Variants in GNG7 observed in about 807,000 individuals in gnomAD.
The protein encoded by GNG7 is G protein subunit gamma 7.
In GNG7, 1 loss-of-function variant was observed where a neutral mutation model predicts 4.0. The ratio of observed to expected loss-of-function variants is 0.25; its 90% confidence interval spans 0.09 to 1.18. The LOEUF (loss-of-function observed/expected upper bound fraction) is 1.18. Ranked by LOEUF, GNG7 falls within the 50% of genes most tolerant of loss-of-function variation. The probability of loss-of-function intolerance (pLI) is 0.50; values close to 1 mark genes in which losing one functional copy is unlikely to be tolerated. For missense variants in GNG7, 86 were observed against 91.9 expected (o/e 0.94, Z 0.26); for synonymous variants, 34 against 36.9 (o/e 0.92, Z 0.29).
intron 3 of GNG7, among the ~76,000 whole-genome samples, chr19:2,543,884 G>C (rs1599382061): frequency 6.6e-6 from 1 of 152,166 alleles, no homozygotes; most frequent in Non-Finnish European, 1.5e-5. Flanking sequence ...AGCAACGTGA[G>C]AACAGAAGCA....
intron 2 of GNG7, among the ~76,000 whole-genome samples, chr19:2,624,528 C>CA (rs921061279): frequency 0.21 from 12,962 of 61,250 alleles, 998 homozygotes; most frequent in African/African-American, 0.3. Context: ...GACTCCGTCT[C>CA]AAAAAAAAAA....
At chr19:2,595,091 G>A (rs1163005893) in intron 2 of GNG7, 1 of 151,420 alleles carries the variant, frequency 6.6e-6, no homozygotes, top group Non-Finnish European at 1.5e-5. Context: ...CTGCACTCCA[G>A]CCTGGGCAAC....
intron 2 of GNG7, among the ~76,000 whole-genome samples, chr19:2,598,545 T>G (rs1981099103): frequency 6.6e-6 from 1 of 151,658 alleles, no homozygotes; most frequent in African/African-American, 2.4e-5. Flanking sequence ...TAGTCCCAGC[T>G]ACTCGGGAGG....
intron 1 of GNG7, among the ~76,000 whole-genome samples, chr19:2,651,074 C>T (rs534681892): frequency 1.9e-4 from 29 of 152,074 alleles, no homozygotes; most frequent in Non-Finnish European, 3.8e-4. Flanking sequence ...TAGCAGGTGC[C>T]GAATGTCAGC....
At chr19:2,636,729 A>C (rs1982318030) in intron 2 of GNG7, among the ~76,000 whole-genome samples, 1 of 152,082 alleles carries the variant, frequency 6.6e-6, no homozygotes, top group South Asian at 2.1e-4. Context: ...GCAGGGGCCA[A>C]CCATCTGGGT....
rs1474450595 is a variant in GNG7, at chr19:2,601,248, C to T, written c.-78+44976G>A. 6.6e-5 allele frequency among the ~76,000 whole-genome samples: 10 copies of T among 152,118 alleles called. No individual in the cohort carries two copies. The East Asian group carries it at 9.6e-4, about 15-fold the overall frequency. On this transcript the variant is annotated intron_variant, in intron 2 of 4. Coordinates refer to ENST00000382159, the MANE Select transcript of GNG7 (RefSeq NM_052847.3). Reference sequence around the variant, plus strand: ...CCATTCTAGTTCCATCCAGATGGCCCGGGGTACAGCTGGGATGCCTGTTGT... The same window carrying T: ...CCATTCTAGTTCCATCCAGATGGCCTGGGGTACAGCTGGGATGCCTGTTGT...
chr19:2,606,344 C>T (rs1981383682), intron 2 of GNG7, among the ~76,000 whole-genome samples: 3 of 151,966 alleles, frequency 2.0e-5, no homozygotes, highest in Admixed American at 2.0e-4. Flanking sequence ...TGCACTCCAA[C>T]CTGCGTGACA....
chr19:2,669,295 G>A (rs555966900), intron 1 of GNG7, among the ~76,000 whole-genome samples: 1 of 152,090 alleles, frequency 6.6e-6, no homozygotes, highest in Non-Finnish European at 1.5e-5. Context: ...TTCGAGACCA[G>A]CCTGACCAAC....
At chr19:2,669,667 G>A (rs552573852) in intron 1 of GNG7, among the ~76,000 whole-genome samples, 28 of 152,094 alleles carry the variant, frequency 1.8e-4, no homozygotes, top group South Asian at 1.5e-3. Context: ...AACGGAGAGC[G>A]CCTGGCTCAG....
At chr19:2,667,271 G>A (rs1983334892) in intron 1 of GNG7, among the ~76,000 whole-genome samples, 1 of 152,132 alleles carries the variant, frequency 6.6e-6, no homozygotes, top group African/African-American at 2.4e-5. Context: ...GCAGTGAGCA[G>A]AGATCACGCC....
chr19:2,643,730 G>T (rs1473322304), intron 2 of GNG7: 2 of 434,834 alleles, frequency 4.6e-6, no homozygotes, highest in Non-Finnish European at 9.3e-6. Context: ...CACACCCTGC[G>T]ATGCACACTG....
At chr19:2,515,460 A>G (rs562417041) in intron 4 of GNG7, among the ~76,000 whole-genome samples, 1 of 150,106 alleles carries the variant, frequency 6.7e-6, no homozygotes, top group East Asian at 2.0e-4. Context: ...CAGAGACTCT[A>G]TTTGTCGCCC....
rs1214465479 is a variant in GNG7 at position 2,513,516 on chromosome 19, C to T, written c.*1506G>A. ...GGACGCAGTCATCTTTCAGAAGCCT[C>T]CCCCCGACCCCATGACATCTTCGAT... On this transcript the variant is annotated 3_prime_UTR_variant, in exon 5 of 5. Transcript: ENST00000382159. 2.0e-6 allele frequency: 2 copies of T among 985,048 alleles called. No individual in the cohort carries two copies. Among genetic ancestry groups the T allele is most frequent in the Non-Finnish European group, 2.4e-6 (2 of 829,724 alleles). 61.0% of individuals were successfully genotyped at this position (985,048 alleles called of 1,614,324 possible).
intron 1 of GNG7, among the ~76,000 whole-genome samples, chr19:2,694,848 G>A (rs1184816862): frequency 6.6e-6 from 1 of 151,860 alleles, no homozygotes; most frequent in East Asian, 1.9e-4. Context: ...CTGGCGTGGA[G>A]TGGGTGGAGG....
At chr19:2,540,540 G>T (rs1418577245) in intron 3 of GNG7, among the ~76,000 whole-genome samples, 1 of 152,216 alleles carries the variant, frequency 6.6e-6, no homozygotes, top group Non-Finnish European at 1.5e-5. Flanking sequence ...CCTGCTCGGG[G>T]GTGGGTGGGC....
chr19:2,549,382 C>G (rs1220453346), intron 3 of GNG7, among the ~76,000 whole-genome samples: 3 of 151,692 alleles, frequency 2.0e-5, no homozygotes, highest in East Asian at 1.9e-4. Context: ...AACTCCACCC[C>G]CTGGGTTCAA....
At chr19:2,548,991 A>G (rs1979226617) in intron 3 of GNG7, among the ~76,000 whole-genome samples, 1 of 152,042 alleles carries the variant, frequency 6.6e-6, no homozygotes, top group South Asian at 2.1e-4. Context: ...GAGGCCACCA[A>G]AGGGTTTCCT....
intron 1 of GNG7, among the ~76,000 whole-genome samples, chr19:2,675,698 G>A (rs774247166): frequency 1.3e-5 from 2 of 152,100 alleles, no homozygotes; most frequent in South Asian, 2.1e-4. Context: ...TCAATGGGGC[G>A]GGGGAGGTCT....
chr19:2,687,349 G>A (rs1983897440), intron 1 of GNG7, among the ~76,000 whole-genome samples: 1 of 151,768 alleles, frequency 6.6e-6, no homozygotes, highest in Admixed American at 6.6e-5. Context: ...GGGCATGGTG[G>A]CTCACACCTG....
Sources: gnomAD v4.1 joint callset for allele counts (sites outside exome capture counted in the v4.1 genomes callset) on GRCh38, gnomAD v4.1.1 for gene constraint, MANE v1.5 for transcripts, NCBI Gene and HGNC (gene_info 2026-07-23, HGNC 2026-07-21) for gene names.